NPEPPS: variants seen among roughly 807,000 people sequenced by gnomAD.
NPEPPS encodes the protein aminopeptidase puromycin sensitive, also known as puromycin-sensitive aminopeptidase.
NPEPPS carries 14 observed loss-of-function variants against 115.5 expected under a neutral mutation model. The observed-to-expected ratio is 0.12, with a 90% CI of 0.08 to 0.19. NPEPPS has a LOEUF of 0.19. Among genes scored for constraint, NPEPPS ranks in the 10% least tolerant of loss-of-function variants. The pLI is 1.00. For synonymous variants in NPEPPS, 285 were observed against 390.6 expected (o/e 0.73, Z 3.19); for missense variants, 523 against 1,110.8 (o/e 0.47, Z 7.52).
At chr17:47,608,319 G>A (rs2143941095) in intron 17 of NPEPPS, among the ~76,000 whole-genome samples, 1 of 152,312 alleles carries the variant, frequency 6.6e-6, no homozygotes, top group Non-Finnish European at 1.5e-5. Flanking sequence ...GCTGGGCATG[G>A]TGGCACACGC....
chr17:47,557,134 A>G (rs1910103834), intron 2 of NPEPPS, among the ~76,000 whole-genome samples: 2 of 151,980 alleles, frequency 1.3e-5, no homozygotes, highest in African/African-American at 2.4e-5. Context: ...GCTGGAGTGC[A>G]GTGACGTGAT....
chr17:47,602,971 A>G lies in NPEPPS; in HGVS notation c.1741-944A>G, dbSNP rs542822716. Among the ~76,000 whole-genome samples, 49 of 152,312 alleles carry G rather than the reference A, an allele frequency of 3.2e-4. 1 individual carries two copies. In the South Asian group the frequency reaches 8.7e-3, roughly 27 times the overall value. ...ATTAGGTTAAATAAAGGGAATCAAT[A>G]AAGTGATAGTTGCGTTAAAATTGTA... On this transcript the variant is annotated intron_variant, in intron 15 of 22. Coordinates refer to ENST00000322157, the MANE Select transcript of NPEPPS (RefSeq NM_006310.4).
chr17:47,600,330 G>C (rs1250281864), intron 14 of NPEPPS, among the ~76,000 whole-genome samples: 1 of 152,130 alleles, frequency 6.6e-6, no homozygotes, highest in Admixed American at 6.5e-5. Flanking sequence ...CCTGCTACTT[G>C]GGAGCCTGAG....
chr17:47,601,830 T>G, intron 15 of NPEPPS, 83 bp downstream of exon 15: 1 of 1,394,436 alleles, frequency 7.2e-7, no homozygotes, highest in Non-Finnish European at 9.8e-7. Flanking sequence ...AGTTTAGTAG[T>G]TTCAAAGAAA....
intron 9 of NPEPPS, 69 bp from the exon 10 acceptor site, chr17:47,590,648 T>C (rs1912444677): frequency 6.6e-6 from 10 of 1,509,098 alleles, no homozygotes; most frequent in African/African-American, 2.8e-5. Context: ...AAGGGACATG[T>C]GAGTGTTTTA....
intron 2 of NPEPPS, among the ~76,000 whole-genome samples, chr17:47,567,434 C>G (rs982576471): frequency 2.0e-5 from 3 of 152,152 alleles, no homozygotes; most frequent in African/African-American, 7.2e-5. Flanking sequence ...GTTATGTAAT[C>G]TGAATCGTTA....
At chr17:47,535,443 C>T (rs370024896) in intron 1 of NPEPPS, among the ~76,000 whole-genome samples, 5 of 148,154 alleles carry the variant, frequency 3.4e-5, no homozygotes, top group African/African-American at 1.0e-4. Context: ...CCCAGCTACT[C>T]GGGAGGCTGA....
In NPEPPS at chr17:47,534,154, C is replaced by T. The variant is rs574823341; in HGVS notation, c.255+2599C>T. Among the ~76,000 whole-genome samples, 14 of 151,562 alleles carry T rather than the reference C, an allele frequency of 9.2e-5. No individual in the cohort carries two copies. The South Asian group carries it at 2.9e-3, about 32-fold the overall frequency. On this transcript the variant is annotated intron_variant, in intron 1 of 22. Coordinates refer to ENST00000322157, the MANE Select transcript of NPEPPS (RefSeq NM_006310.4). ...TCGCCCAGGCTGGAGTGCAGTGGCACGATCTCGCCTCACTGCAAGCTCTGC... is the reference window on the plus strand; with the variant it reads ...TCGCCCAGGCTGGAGTGCAGTGGCATGATCTCGCCTCACTGCAAGCTCTGC...
upstream of NPEPPS, among the ~76,000 whole-genome samples, chr17:47,528,585 A>T (rs1234935053): frequency 1.3e-5 from 2 of 152,300 alleles, no homozygotes; most frequent in South Asian, 4.1e-4. Context: ...TGTAAAATAC[A>T]TGCTGGATTT....
intron 19 of NPEPPS, among the ~76,000 whole-genome samples, 168 bp downstream of exon 19, chr17:47,613,893 A>G (rs1320864563): frequency 5.9e-5 from 9 of 152,044 alleles, no homozygotes; most frequent in Non-Finnish European, 8.8e-5. Flanking sequence ...CATATATGTT[A>G]TATCAGTATT....
chr17:47,601,558 T>TA, intron 14 of NPEPPS, 50 bp from the exon 15 acceptor site: 1 of 1,608,602 alleles, frequency 6.2e-7, no homozygotes, highest in Non-Finnish European at 8.5e-7. Context: ...CTCTCCACCT[T>TA]ACCTTCTGTT....
Position 47,619,177 on chromosome 17 carries a change from C to CT in NPEPPS, c.2559+16dup, listed in dbSNP as rs750199284. ...CAGACTAATAAAGGTATGTGAAAAA[C>CT]TTTGAGTAGCTTGCTAATCATGGAT... is the stretch of plus-strand genomic sequence containing the variant. On this transcript the variant is annotated intron_variant, in intron 21 of 22. Coordinates refer to ENST00000322157, the MANE Select transcript of NPEPPS (RefSeq NM_006310.4). 3 of 1,602,818 alleles carry CT rather than the reference C, an allele frequency of 1.9e-6. No homozygotes were observed. The highest frequency in any genetic ancestry group is 1.3e-5 in the African/African-American group (1 of 74,868).
chr17:47,545,516 CTG>C (rs1909140742), intron 1 of NPEPPS, among the ~76,000 whole-genome samples: 1 of 151,812 alleles, frequency 6.6e-6, no homozygotes, highest in Non-Finnish European at 1.5e-5. Context: ...AAAAAATTGA[CTG>C]TGATATTAGT....
intron 12 of NPEPPS, among the ~76,000 whole-genome samples, chr17:47,593,377 C>T (rs1333461442): frequency 6.6e-6 from 1 of 151,988 alleles, no homozygotes; most frequent in Non-Finnish European, 1.5e-5. Flanking sequence ...TGCAACATAG[C>T]GAGACCCCAC....
At chr17:47,573,215 T>C (rs2611890) in intron 3 of NPEPPS, among the ~76,000 whole-genome samples, 57 of 152,142 alleles carry the variant, frequency 3.7e-4, no homozygotes, top group Admixed American at 3.9e-4. Flanking sequence ...TTTAGAACTT[T>C]TGCGATAAAG....
intron 1 of NPEPPS, among the ~76,000 whole-genome samples, chr17:47,534,297 T>A (rs1908032034): frequency 6.6e-6 from 1 of 152,134 alleles, no homozygotes; most frequent in African/African-American, 2.4e-5. Context: ...TTTACTGTGG[T>A]CTCGACCTCC....
At chr17:47,607,178 C>T (rs932831007) in intron 17 of NPEPPS, among the ~76,000 whole-genome samples, 3 of 151,202 alleles carry the variant, frequency 2.0e-5, no homozygotes, top group African/African-American at 7.3e-5. Flanking sequence ...GGTGACAGGG[C>T]GAGACTCCAT....
At chr17:47,603,143 T>G (rs1384400896) in intron 15 of NPEPPS, among the ~76,000 whole-genome samples, 1 of 152,144 alleles carries the variant, frequency 6.6e-6, no homozygotes, top group Non-Finnish European at 1.5e-5. Flanking sequence ...AGTTGCCAGG[T>G]GTAGTGGCTC....
intron 1 of NPEPPS, among the ~76,000 whole-genome samples, chr17:47,541,332 C>T (rs1250079333): frequency 6.6e-6 from 1 of 151,892 alleles, no homozygotes; most frequent in Non-Finnish European, 1.5e-5. Flanking sequence ...TTCATTTCAC[C>T]CATTGGAGCA....
Sources: gnomAD v4.1 joint callset for allele counts (sites outside exome capture counted in the v4.1 genomes callset) on GRCh38, gnomAD v4.1.1 for gene constraint, MANE v1.5 for transcripts, NCBI Gene and HGNC (gene_info 2026-07-23, HGNC 2026-07-21) for gene names.